EXOC4: variants seen among roughly 807,000 people sequenced by gnomAD.
EXOC4 encodes exocyst complex component 4.
Under a neutral mutation model 107.2 loss-of-function variants are expected in EXOC4, and 71 were observed. That is an observed-to-expected ratio of 0.66 (90% CI 0.55 to 0.81). The LOEUF is 0.81. Ranked by LOEUF, EXOC4 falls within the 30% of genes least tolerant of loss-of-function variation. The probability of loss-of-function intolerance (pLI) is 0.00; values close to 1 mark genes in which losing one functional copy is unlikely to be tolerated. For synonymous variants in EXOC4, 456 were observed against 441.2 expected, an observed-to-expected ratio of 1.03 and a Z score of -0.42; for missense variants, 1,108 against 1,189.6, an observed-to-expected ratio of 0.93 and a Z score of 1.01.
intron 17 of EXOC4, among the ~76,000 whole-genome samples, chr7:134,052,526 C>G (rs570847926): frequency 2.6e-4 from 40 of 151,318 alleles, no homozygotes; most frequent in African/African-American, 9.2e-4. Context: ...ATACCTCATA[C>G]AATTGTGAGA....
chr7:133,739,222 T>TTTTG (rs1795511025), intron 10 of EXOC4, among the ~76,000 whole-genome samples: 1 of 142,308 alleles, frequency 7.0e-6, no homozygotes, highest in African/African-American at 2.6e-5. Context: ...GTAGAGGGGT[T>TTTTG]TGTGTGTGTG....
Position 133,703,847 on chromosome 7 carries a change from C to T in EXOC4, c.1514+73706C>T, listed in dbSNP as rs149440687. Among the ~76,000 whole-genome samples, 738 of 152,316 alleles carry T rather than the reference C, an allele frequency of 4.8e-3. 3 individuals carry two copies. The highest frequency in any genetic ancestry group is 0.017 in the Middle Eastern group (5 of 294). ...ATAGACTTGTTCTGGCATCAGATTT[C>T]CATCAGCGATGACCTTGGCAAATTC... On this transcript the variant is annotated intron_variant, in intron 10 of 17. Transcript: ENST00000253861.
chr7:134,069,340 CTCCTCCTCCTTCTCCTTCT>C (rs1796239192), downstream of EXOC4, among the ~76,000 whole-genome samples: 1 of 142,586 alleles, frequency 7.0e-6, no homozygotes, highest in Non-Finnish European at 1.5e-5. Context: ...TCTCCTCCTT[CTCCTCCTCCTTCTCCTTCT>C]TCCTCCTCCC....
chr7:133,526,281 T>C (rs1273224126), intron 9 of EXOC4, among the ~76,000 whole-genome samples: 1 of 152,214 alleles, frequency 6.6e-6, no homozygotes, highest in Non-Finnish European at 1.5e-5. Context: ...TTTTTCTTTC[T>C]AATATGCTCA....
intron 11 of EXOC4, among the ~76,000 whole-genome samples, chr7:133,866,043 A>G (rs1333781871): frequency 2.0e-5 from 3 of 152,174 alleles, no homozygotes; most frequent in Non-Finnish European, 4.4e-5. Flanking sequence ...AGGGGGACAT[A>G]TAATAACTCT....
At chr7:133,506,359 C>T (rs1361149604) in intron 9 of EXOC4, among the ~76,000 whole-genome samples, 3 of 152,116 alleles carry the variant, frequency 2.0e-5, no homozygotes, top group Admixed American at 2.0e-4. Context: ...TCTACACTAG[C>T]AGTTTTAAAA....
At chr7:133,382,163 T>C (rs537092960) in intron 7 of EXOC4, among the ~76,000 whole-genome samples, 3 of 152,276 alleles carry the variant, frequency 2.0e-5, no homozygotes, top group South Asian at 2.1e-4. Flanking sequence ...GTGGAGAGTC[T>C]ATGCATATAT....
chr7:133,595,195 A>T (rs1169391933), intron 9 of EXOC4, among the ~76,000 whole-genome samples: 1 of 152,168 alleles, frequency 6.6e-6, no homozygotes, highest in Non-Finnish European at 1.5e-5. Context: ...ACTGTGCAGG[A>T]ACATGCAGGA....
intron 5 of EXOC4, among the ~76,000 whole-genome samples, chr7:133,321,687 C>T (rs959960859): frequency 2.0e-5 from 3 of 152,190 alleles, no homozygotes; most frequent in African/African-American, 7.2e-5. Context: ...AATAAACATA[C>T]ATGTGCATGT....
chr7:134,088,317 A>G, the EXOC4 span, among the ~76,000 whole-genome samples: 7 of 152,336 alleles, frequency 4.6e-5, no homozygotes, highest in East Asian at 1.3e-3. Flanking sequence ...GCAAATAACT[A>G]TATTGCCATA....
intron 10 of EXOC4, among the ~76,000 whole-genome samples, chr7:133,645,461 A>T (rs1359550687): frequency 6.6e-6 from 1 of 151,404 alleles, no homozygotes; most frequent in African/African-American, 2.4e-5. Context: ...CCCTTGTGGG[A>T]CCTAGCAGGT....
chr7:133,280,056 C>A (rs1020681373), intron 2 of EXOC4, among the ~76,000 whole-genome samples: 2 of 152,144 alleles, frequency 1.3e-5, no homozygotes, highest in African/African-American at 4.8e-5. Context: ...CTCCTGGGCT[C>A]AAGGGATCCT....
intron 12 of EXOC4, among the ~76,000 whole-genome samples, chr7:133,897,920 C>T (rs1799356259): frequency 6.6e-6 from 1 of 151,904 alleles, no homozygotes; most frequent in Admixed American, 6.6e-5. Flanking sequence ...TTATAGTGAC[C>T]ATGATGTTCA....
intron 5 of EXOC4, among the ~76,000 whole-genome samples, chr7:133,335,760 C>T (rs987576222): frequency 6.6e-6 from 1 of 152,176 alleles, no homozygotes; most frequent in East Asian, 1.9e-4. Flanking sequence ...ATCTGCCATG[C>T]TGTTTTCACA....
At chr7:134,062,554 G>A (rs180971395) in intron 17 of EXOC4, among the ~76,000 whole-genome samples, 295 of 152,248 alleles carry the variant, frequency 1.9e-3, no homozygotes, top group Middle Eastern at 0.01. Context: ...AGATTGCTTC[G>A]TCTCCAAGAG....
At chr7:133,427,458 G>A (rs1322223462) in intron 7 of EXOC4, among the ~76,000 whole-genome samples, 2 of 152,178 alleles carry the variant, frequency 1.3e-5, no homozygotes, top group African/African-American at 2.4e-5. Context: ...TCATAAAGCA[G>A]TAAGTAGAAT....
intron 1 of EXOC4, among the ~76,000 whole-genome samples, chr7:133,264,284 T>TAGTA (rs1401984450): frequency 6.6e-6 from 1 of 152,178 alleles, no homozygotes; most frequent in African/African-American, 2.4e-5. Context: ...GTGTTGGGTG[T>TAGTA]AGTAATTGGC....
intron 13 of EXOC4, among the ~76,000 whole-genome samples, chr7:133,922,688 A>C (rs1192882518): frequency 6.6e-6 from 1 of 152,140 alleles, no homozygotes; most frequent in African/African-American, 2.4e-5. Context: ...TCTACTAAAA[A>C]TACAAAAAAA....
At chr7:133,778,482 G>C (rs953086975) in intron 10 of EXOC4, among the ~76,000 whole-genome samples, 2 of 152,160 alleles carry the variant, frequency 1.3e-5, no homozygotes, top group Admixed American at 1.3e-4. Context: ...TACTGGGAAG[G>C]TTGAGGCGGG....
Sources: gnomAD v4.1 joint callset for allele counts (sites outside exome capture counted in the v4.1 genomes callset) on GRCh38, gnomAD v4.1.1 for gene constraint, MANE v1.5 for transcripts, NCBI Gene and HGNC (gene_info 2026-07-23, HGNC 2026-07-21) for gene names.